The following ADAM32 variants were observed in gnomAD, a reference collection of about 807,000 sequenced individuals.
ADAM32 encodes ADAM metallopeptidase domain 32, also known as disintegrin and metalloproteinase domain-containing protein 32.
In ADAM32, 89 loss-of-function variants were observed where a neutral mutation model predicts 114.9. That is an observed-to-expected ratio of 0.77 (90% CI 0.65 to 0.92). ADAM32 has a LOEUF of 0.92. Ranked by LOEUF, ADAM32 falls within the 40% of genes least tolerant of loss-of-function variation. The pLI is 0.00. For missense variants in ADAM32, 870 were observed against 932.8 expected (o/e 0.93, Z 0.88); for synonymous variants, 285 against 307.5 (o/e 0.93, Z 0.77).
At chr8:39,194,643 C>T (rs1317565750) in intron 11 of ADAM32, among the ~76,000 whole-genome samples, 1 of 152,094 alleles carries the variant, frequency 6.6e-6, no homozygotes, top group Non-Finnish European at 1.5e-5. Flanking sequence ...AGGAGGTATC[C>T]TCCCTGGGCA....
chr8:39,242,003 C>T (rs1264089625), intron 16 of ADAM32, among the ~76,000 whole-genome samples: 2 of 152,198 alleles, frequency 1.3e-5, no homozygotes, highest in Non-Finnish European at 2.9e-5. Flanking sequence ...TGCTTTGCTG[C>T]TTAGAAATTT....
At chr8:39,181,841 G>A (rs574877605) in intron 10 of ADAM32, among the ~76,000 whole-genome samples, 4 of 152,254 alleles carry the variant, frequency 2.6e-5, no homozygotes. Context: ...TCTGTGAGAT[G>A]CAGTTACTAA....
At chr8:39,276,543 T>A (rs1396652578) in intron 22 of ADAM32, among the ~76,000 whole-genome samples, 1 of 152,186 alleles carries the variant, frequency 6.6e-6, no homozygotes, top group African/African-American at 2.4e-5. Context: ...CTAGTGTTAT[T>A]CTTTCTAGGT....
At chr8:39,218,439 T>C (rs1003474696) in intron 12 of ADAM32, among the ~76,000 whole-genome samples, 3 of 152,140 alleles carry the variant, frequency 2.0e-5, no homozygotes, top group Non-Finnish European at 4.4e-5. Context: ...CAGGCTTGTG[T>C]CCTCCCCTTT....
chr8:39,265,471 G>A (rs1260582868), intron 19 of ADAM32, among the ~76,000 whole-genome samples: 1 of 152,122 alleles, frequency 6.6e-6, no homozygotes, highest in Non-Finnish European at 1.5e-5. Context: ...GTGTCTTTAA[G>A]TGGGGCATTT....
intron 6 of ADAM32, among the ~76,000 whole-genome samples, chr8:39,158,934 GT>G (rs369684115): frequency 8.6e-5 from 13 of 151,618 alleles, no homozygotes; most frequent in African/African-American, 1.9e-4. Context: ...GTTTCCTTTA[GT>G]TTTTTTTACA....
intron 11 of ADAM32, among the ~76,000 whole-genome samples, chr8:39,205,756 C>T (rs924873555): frequency 1.1e-4 from 16 of 152,238 alleles, no homozygotes; most frequent in Non-Finnish European, 1.8e-4. Context: ...ATGCTGCCAT[C>T]TTGGAACCTC....
intron 16 of ADAM32, among the ~76,000 whole-genome samples, chr8:39,242,967 T>C (rs1810661249): frequency 6.6e-6 from 1 of 151,966 alleles, no homozygotes; most frequent in Non-Finnish European, 1.5e-5. Context: ...ACCTATAGCA[T>C]AGAAACACAA....
rs375281806 is a variant in ADAM32 at position 39,120,530 on chromosome 8, C to T, written c.138+2365C>T. 3.9e-4 allele frequency among the ~76,000 whole-genome samples: 59 copies of T among 151,988 alleles called. 1 individual carries two copies. The highest frequency in any genetic ancestry group is 1.3e-3 in the African/African-American group (55 of 41,476). ...TAATCCTAGCACTTTGGGAGGCTGACGTGGGCAGATTACCTGAGGTCAGGA... is the reference window on the plus strand; with the variant it reads ...TAATCCTAGCACTTTGGGAGGCTGATGTGGGCAGATTACCTGAGGTCAGGA... On this transcript the variant is annotated intron_variant, in intron 2 of 24. Coordinates refer to ENST00000379907, the MANE Select transcript of ADAM32 (RefSeq NM_145004.7).
At chr8:39,135,179 C>T (rs551390003) in intron 2 of ADAM32, among the ~76,000 whole-genome samples, 18 of 152,144 alleles carry the variant, frequency 1.2e-4, no homozygotes, top group African/African-American at 3.9e-4. Context: ...AAACAAAAAA[C>T]GATAAAGATG....
At chr8:39,254,566 T>A (rs1811520576) in intron 18 of ADAM32, 50 bp downstream of exon 18, 1 of 1,375,302 alleles carries the variant, frequency 7.3e-7, no homozygotes, top group African/African-American at 1.5e-5. Context: ...CTCAAATTGC[T>A]TATCTTCACT....
At chr8:39,111,013 T>G (rs977970266) in intron 1 of ADAM32, among the ~76,000 whole-genome samples, 1 of 152,258 alleles carries the variant, frequency 6.6e-6, no homozygotes, top group Non-Finnish European at 1.5e-5. Context: ...CTTTTTTGTC[T>G]GGCTTAATTC....
chr8:39,223,228 A>G lies in ADAM32; in HGVS notation c.1515A>G (p.Val505=), dbSNP rs755757070. ...CHDLDARCES[V]FGKGSRNAPF... is the part of the protein sequence containing the mutation. ...ATCTCGATGCACGTTGTGAGAGTGT[A>G]TTTGGAAAAGGTAATATCTTTTTGT... is the stretch of plus-strand genomic sequence containing the variant. The change falls in exon 14 of 25, where the codon GTA becomes GTG. Residue 505 remains valine (V), a synonymous_variant. Coordinates refer to ENST00000379907, the MANE Select transcript of ADAM32 (RefSeq NM_145004.7). 31 of 1,579,898 alleles carry G rather than the reference A, an allele frequency of 2.0e-5. No homozygotes were observed. Among genetic ancestry groups the G allele is most frequent in the Non-Finnish European group, 2.5e-5 (29 of 1,165,206 alleles).
intron 1 of ADAM32, among the ~76,000 whole-genome samples, chr8:39,112,534 G>A (rs762579876): frequency 6.6e-6 from 1 of 152,178 alleles, no homozygotes; most frequent in Non-Finnish European, 1.5e-5. Context: ...TAGCCTTTCA[G>A]TCTTTCTAAT....
intron 7 of ADAM32, among the ~76,000 whole-genome samples, chr8:39,162,269 T>A (rs956082516): frequency 1.3e-5 from 2 of 151,000 alleles, no homozygotes; most frequent in Non-Finnish European, 2.9e-5. Flanking sequence ...TGTTTGGTTT[T>A]TTGTCCTTGC....
chr8:39,273,701 C>T (rs1311995051), intron 20 of ADAM32, among the ~76,000 whole-genome samples: 2 of 152,152 alleles, frequency 1.3e-5, no homozygotes, highest in Admixed American at 6.5e-5. Flanking sequence ...GCCTCAGCTC[C>T]TGTTTAACCT....
chr8:39,279,054 T>C (rs1338690957), intron 22 of ADAM32, among the ~76,000 whole-genome samples: 1 of 152,224 alleles, frequency 6.6e-6, no homozygotes, highest in African/African-American at 2.4e-5. Flanking sequence ...TTTTCCTTTT[T>C]GTCTCAAATG....
chr8:39,162,005 TA>T lies in ADAM32; in HGVS notation c.594+1041del, dbSNP rs1255270847. ...GTTTTCTTTTTTATTTTATTTTATA[TA>T]TATATATATATATATTTATTATACT... On this transcript the variant is annotated intron_variant, in intron 7 of 24. Transcript: ENST00000379907. 8.5e-4 allele frequency among the ~76,000 whole-genome samples: 73 copies of T among 85,382 alleles called. 1 individual carries two copies. The highest frequency in any genetic ancestry group is 2.2e-3 in the African/African-American group (66 of 30,018). 56.0% of individuals were successfully genotyped at this position (85,382 alleles called of 152,430 possible).
intron 19 of ADAM32, among the ~76,000 whole-genome samples, chr8:39,268,675 A>C (rs1812517836): frequency 6.6e-6 from 1 of 152,194 alleles, no homozygotes. Context: ...GCCTAACCCA[A>C]GTTCACAGAT....
Sources: gnomAD v4.1 joint callset for allele counts (sites outside exome capture counted in the v4.1 genomes callset) on GRCh38, gnomAD v4.1.1 for gene constraint, MANE v1.5 for transcripts, NCBI Gene and HGNC (gene_info 2026-07-23, HGNC 2026-07-21) for gene names.